The following NKAIN3 variants were observed in gnomAD, a reference collection of about 807,000 sequenced individuals.
NKAIN3 encodes sodium/potassium transporting ATPase interacting 3.
NKAIN3 carries 25 observed loss-of-function variants against 30.2 expected under a neutral mutation model. That is an observed-to-expected ratio of 0.83 (90% CI 0.60 to 1.16). NKAIN3 has a LOEUF of 1.16. Among genes scored for constraint, NKAIN3 ranks in the 50% most tolerant of loss-of-function variants. The pLI is 0.00. For synonymous variants in NKAIN3, 91 were observed against 89.6 expected, an observed-to-expected ratio of 1.02 and a Z score of -0.09; for missense variants, 225 against 254.1, an observed-to-expected ratio of 0.89 and a Z score of 0.78.
intron 4 of NKAIN3, among the ~76,000 whole-genome samples, chr8:62,801,485 C>T (rs750614446): frequency 2.6e-5 from 4 of 152,190 alleles, no homozygotes; most frequent in Admixed American, 6.5e-5. Context: ...CTGCAGCCAC[C>T]GCTGCTGATA....
At chr8:62,567,533 A>T (rs1809795830) in intron 1 of NKAIN3, among the ~76,000 whole-genome samples, 1 of 152,142 alleles carries the variant, frequency 6.6e-6, no homozygotes, top group South Asian at 2.1e-4. Flanking sequence ...GTTTTCCTAA[A>T]TTATCCAAAA....
Position 62,589,458 on chromosome 8 carries a change from T to G in NKAIN3, c.193-256T>G, listed in dbSNP as rs1362870668. Among the ~76,000 whole-genome samples, 3 of 151,728 alleles carry G rather than the reference T, an allele frequency of 2.0e-5. No homozygotes were observed. The South Asian group carries it at 6.2e-4, about 31-fold the overall frequency. On this transcript the variant is annotated intron_variant, in intron 2 of 6. Transcript: ENST00000623646. ...AATCAAATCAACACTTTGGTTTAAC[T>G]TGTACCTGGAAGCCAGCAAAGCACT...
rs571192455 is a variant in NKAIN3, at chr8:62,787,027, C to T, written c.471+39898C>T. Among the ~76,000 whole-genome samples the T allele has an allele frequency of 5.4e-5, 8 of 147,718 alleles. No individual in the cohort carries two copies. In the South Asian group the frequency reaches 8.7e-4, roughly 16 times the overall value. On this transcript the variant is annotated intron_variant, in intron 4 of 6. Coordinates refer to ENST00000623646, the MANE Select transcript of NKAIN3 (RefSeq NM_001304533.3). ...GAATGGTTGAGTACAGGGATCAATCCGTTTAGAGAGCAACAAATGCAAGAA... is the reference window on the plus strand; with the variant it reads ...GAATGGTTGAGTACAGGGATCAATCTGTTTAGAGAGCAACAAATGCAAGAA...
At chr8:62,440,398 T>C (rs578090964) in intron 1 of NKAIN3, among the ~76,000 whole-genome samples, 118 of 152,326 alleles carry the variant, frequency 7.7e-4, no homozygotes, top group African/African-American at 2.6e-3. Flanking sequence ...TTAGTAGATA[T>C]GGAAAGAATC....
intron 6 of NKAIN3, among the ~76,000 whole-genome samples, chr8:62,962,440 AT>A: frequency 6.6e-6 from 1 of 152,326 alleles, no homozygotes; most frequent in Middle Eastern, 3.4e-3. Flanking sequence ...ATATTAAGAA[AT>A]TTTTGTCAAT....
At chr8:62,661,120 T>C (rs1249067754) in intron 3 of NKAIN3, among the ~76,000 whole-genome samples, 1 of 152,226 alleles carries the variant, frequency 6.6e-6, no homozygotes, top group Non-Finnish European at 1.5e-5. Flanking sequence ...TATTCAGTTT[T>C]TTGAAAGCAG....
intron 1 of NKAIN3, among the ~76,000 whole-genome samples, chr8:62,323,621 G>A (rs1815015216): frequency 6.6e-6 from 1 of 152,088 alleles, no homozygotes. Flanking sequence ...TCAGGGATAT[G>A]TGCATGAGAA....
chr8:62,863,729 A>G lies in NKAIN3; in HGVS notation c.472-54724A>G, dbSNP rs184470823. On this transcript the variant is annotated intron_variant, in intron 4 of 6. Transcript: ENST00000623646. ...ACGCTGAGCACTTTTTACAACTTTCATTGCAACAAATCTTTTCCCCTACAT... is the reference window on the plus strand; with the variant it reads ...ACGCTGAGCACTTTTTACAACTTTCGTTGCAACAAATCTTTTCCCCTACAT... 127 of 1,584,518 alleles carry G rather than the reference A, an allele frequency of 8.0e-5. 2 individuals carry two copies. In the East Asian group the frequency reaches 2.2e-3, roughly 28 times the overall value.
chr8:62,685,707 A>G (rs1028420876), intron 3 of NKAIN3, among the ~76,000 whole-genome samples: 2 of 152,234 alleles, frequency 1.3e-5, no homozygotes. Flanking sequence ...GAATCCATAT[A>G]AAAGAAGTTA....
At chr8:62,476,895 A>G (rs1806537348) in intron 1 of NKAIN3, among the ~76,000 whole-genome samples, 1 of 152,196 alleles carries the variant, frequency 6.6e-6, no homozygotes, top group African/African-American at 2.4e-5. Context: ...AATTGTCAGC[A>G]GAAAGAAATA....
chr8:62,482,491 G>A lies in NKAIN3; in HGVS notation c.55-97048G>A, dbSNP rs141424627. 5 of 152,396 alleles carry A rather than the reference G, an allele frequency of 3.3e-5. No individual in the cohort carries two copies. The East Asian group carries it at 9.6e-4, about 29-fold the overall frequency. 9.4% of individuals were successfully genotyped at this position (152,396 alleles called of 1,614,324 possible). On this transcript the variant is annotated intron_variant, in intron 1 of 6. Coordinates refer to ENST00000623646, the MANE Select transcript of NKAIN3 (RefSeq NM_001304533.3). ...AGAGCTGTGGTGGGGTTGCCACCCTGAGGAGTTGAAGAGTGAGCTCAGTGG... is the reference window on the plus strand; with the variant it reads ...AGAGCTGTGGTGGGGTTGCCACCCTAAGGAGTTGAAGAGTGAGCTCAGTGG...
At chr8:62,496,911 C>T (rs1301887460) in intron 1 of NKAIN3, among the ~76,000 whole-genome samples, 1 of 152,094 alleles carries the variant, frequency 6.6e-6, no homozygotes, top group Non-Finnish European at 1.5e-5. Context: ...CTTACTGGTG[C>T]AGTGATTCCC....
intron 3 of NKAIN3, among the ~76,000 whole-genome samples, chr8:62,656,106 T>G (rs1297649612): frequency 6.6e-6 from 1 of 152,078 alleles, no homozygotes; most frequent in East Asian, 1.9e-4. Flanking sequence ...AGAAGTGCTG[T>G]GGCAGTGGCC....
chr8:62,505,874 C>T (rs1174842033), intron 1 of NKAIN3, among the ~76,000 whole-genome samples: 1 of 152,044 alleles, frequency 6.6e-6, no homozygotes, highest in African/African-American at 2.4e-5. Context: ...TCTCAGTGGG[C>T]TAAAATCAAG....
intron 1 of NKAIN3, among the ~76,000 whole-genome samples, chr8:62,410,034 A>G (rs535627172): frequency 2.7e-4 from 41 of 152,298 alleles, no homozygotes; most frequent in African/African-American, 9.6e-4. Context: ...GGTTTGTTAC[A>G]TGGGTACATT....
intron 4 of NKAIN3, chr8:62,863,949 CGGTGGT>C: frequency 1.1e-6 from 1 of 927,240 alleles, no homozygotes; most frequent in Non-Finnish European, 1.8e-6. Context: ...CCAAAGGTGG[CGGTGGT>C]GGTGGTGGAG....
chr8:62,999,598 G>T (rs776143554), exon 6 of NKAIN3: 2 of 152,094 alleles, frequency 1.3e-5, no homozygotes, highest in Non-Finnish European at 2.9e-5. Flanking sequence ...TTTTCATTTT[G>T]TTAATTGTTT....
At chr8:62,774,419 C>G (rs28769390) in intron 4 of NKAIN3, among the ~76,000 whole-genome samples, 13,361 of 152,174 alleles carry the variant, frequency 0.088, 607 homozygotes, top group Middle Eastern at 0.092. Context: ...TCTGATTGCT[C>G]TAGCTGGGAC....
chr8:62,344,537 T>G (rs1201159147), intron 1 of NKAIN3, among the ~76,000 whole-genome samples: 1 of 152,096 alleles, frequency 6.6e-6, no homozygotes, highest in Admixed American at 6.6e-5. Context: ...AAATGGTACA[T>G]TATATTTTCT....
Sources: allele counts gnomAD v4.1 joint callset (sites outside exome capture counted in the v4.1 genomes callset), GRCh38; gene constraint gnomAD v4.1.1; transcripts MANE v1.5; gene names NCBI Gene and HGNC (gene_info 2026-07-23, HGNC 2026-07-21).